KDM4D: variants seen among roughly 807,000 people sequenced by gnomAD.
The protein encoded by KDM4D is lysine demethylase 4D, also known as lysine-specific demethylase 4D.
For missense variants in KDM4D, 427 were observed against 674.8 expected, an observed-to-expected ratio of 0.63 and a Z score of 4.07; for synonymous variants, 254 against 249.1, an observed-to-expected ratio of 1.02 and a Z score of -0.19.
At chr11:94,984,503 T>G (rs1555097921) in intron 2 of KDM4D, among the ~76,000 whole-genome samples, 2 of 150,994 alleles carry the variant, frequency 1.3e-5, no homozygotes, top group Non-Finnish European at 3.0e-5. Flanking sequence ...TCATAATAAA[T>G]GAATAAAAAT....
chr11:94,998,968 C>A lies in KDM4D; in HGVS notation c.*24C>A. The A allele has an allele frequency of 6.7e-7, 1 of 1,496,582 alleles. No individual in the cohort carries two copies. Among genetic ancestry groups the A allele is most frequent in the South Asian group, 1.4e-5 (1 of 69,164 alleles). 92.7% of individuals were successfully genotyped at this position (1,496,582 alleles called of 1,614,324 possible). A position where few individuals can be genotyped will look rare whatever the true frequency, so the allele number is the denominator to read the frequency against. ...AAGTCCACGGGCTGTCTTTATATCCCACTGCCCTGCTGTGTGACAGTTTGA... is the reference window on the plus strand; with the variant it reads ...AAGTCCACGGGCTGTCTTTATATCCAACTGCCCTGCTGTGTGACAGTTTGA... On this transcript the variant is annotated 3_prime_UTR_variant, in exon 3 of 3. Transcript: ENST00000335080. The surrounding 1 kb of genome is among the most constrained non-coding windows in gnomAD (Gnocchi z 6.7).
In KDM4D at chr11:94,998,861, T is replaced by C. The variant is rs200720342; in HGVS notation, c.1489T>C (p.Leu497=). 2.6e-5 allele frequency: 40 copies of C among 1,558,092 alleles called. 1 individual carries two copies. The African/African-American group carries it at 4.8e-4, about 19-fold the overall frequency. Residue 497 remains leucine, a synonymous_variant, in exon 3 of 3, where the codon TTG becomes CTG. Coordinates refer to ENST00000335080, the MANE Select transcript of KDM4D (RefSeq NM_018039.3). This position sits in a 1 kb window ranked among gnomAD's most constrained non-coding sequence, Gnocchi z 6.7. The stretch of plus-strand genomic sequence containing the variant: ...TGAGCCCCTACCTGAGGATGGGGCT[T>C]TGATGGACAAGCCTGTACCACTGAG... ...EPEPLPEDGA[L]MDKPVPLSPG...
At chr11:94,987,517 G>T (rs1371942622) in intron 2 of KDM4D, among the ~76,000 whole-genome samples, 2 of 152,192 alleles carry the variant, frequency 1.3e-5, no homozygotes, top group Non-Finnish European at 2.9e-5. Flanking sequence ...ACTGACAGGT[G>T]CCCCCATCTT....
intron 2 of KDM4D, among the ~76,000 whole-genome samples, chr11:94,978,882 C>T (rs189288013): frequency 2.0e-5 from 3 of 152,054 alleles, no homozygotes; most frequent in Admixed American, 6.6e-5. Flanking sequence ...AAATTACTAT[C>T]GGACATGTAT....
At chr11:94,991,051 A>C (rs1353366706) in intron 2 of KDM4D, among the ~76,000 whole-genome samples, 1 of 152,234 alleles carries the variant, frequency 6.6e-6, no homozygotes, top group African/African-American at 2.4e-5. Flanking sequence ...GAACTGTACA[A>C]GTAGGGTACT....
In KDM4D at chr11:94,997,224, T is replaced by G; in HGVS notation, c.-149T>G. 1.4e-5 allele frequency: 7 copies of G among 503,086 alleles called. No homozygotes were observed. Among genetic ancestry groups the G allele is most frequent in the Non-Finnish European group, 1.6e-5 (5 of 305,178 alleles). 31.2% of individuals were successfully genotyped at this position (503,086 alleles called of 1,614,324 possible). A position where few individuals can be genotyped will look rare whatever the true frequency, so the allele number is the denominator to read the frequency against. On this transcript the variant is annotated 5_prime_UTR_variant, in exon 3 of 3. Coordinates refer to ENST00000335080, the MANE Select transcript of KDM4D (RefSeq NM_018039.3). Reference sequence around the variant, plus strand: ...AGTGAATAAACAAGCCCAAGAAAGATTATCATCTCATTTGCAAAAAAAAAA... The same window carrying G: ...AGTGAATAAACAAGCCCAAGAAAGAGTATCATCTCATTTGCAAAAAAAAAA...
Position 94,997,413 on chromosome 11 carries a change from C to G in KDM4D, c.41C>G (p.Pro14Arg), listed in dbSNP as rs150627695. Residue 14 changes from proline to arginine, a missense_variant, in exon 3 of 3, where the codon CCA becomes CGA. Transcript: ENST00000335080. ...TCTAAGGCCAACTGTGCCCAGAATC[C>G]AAATTGTAACATAATGATATTTCAT... ...MKSKANCAQN[P>R]NCNIMIFHPT... 6.2e-7 allele frequency: 1 copy of G among 1,611,772 alleles called. No homozygotes were observed. Among genetic ancestry groups the G allele is most frequent in the Non-Finnish European group, 8.5e-7 (1 of 1,179,028 alleles).
intron 2 of KDM4D, among the ~76,000 whole-genome samples, chr11:94,995,951 G>A (rs1423723652): frequency 1.3e-5 from 2 of 152,018 alleles, no homozygotes; most frequent in African/African-American, 4.8e-5. Context: ...GAAAATTCCT[G>A]TCATGCTAGA....
intron 2 of KDM4D, among the ~76,000 whole-genome samples, chr11:94,981,922 G>GT (rs1216891925): frequency 1.3e-5 from 2 of 150,366 alleles, no homozygotes; most frequent in African/African-American, 4.9e-5. Context: ...AGCTCATTTA[G>GT]TTTTTTTAAC....
chr11:94,981,052 A>G (rs1555097494), intron 2 of KDM4D, among the ~76,000 whole-genome samples: 2 of 152,154 alleles, frequency 1.3e-5, no homozygotes, highest in African/African-American at 4.8e-5. Flanking sequence ...GGTTTTGGAT[A>G]GATGCACTTC....
intron 2 of KDM4D, among the ~76,000 whole-genome samples, chr11:94,995,350 C>T (rs1857967166): frequency 6.6e-6 from 1 of 152,092 alleles, no homozygotes; most frequent in Non-Finnish European, 1.5e-5. Context: ...AATAAGGGGT[C>T]TGTCTAAATG....
chr11:94,991,994 A>G (rs1857938919), intron 2 of KDM4D, among the ~76,000 whole-genome samples: 1 of 152,000 alleles, frequency 6.6e-6, no homozygotes, highest in African/African-American at 2.4e-5. Context: ...ACTCATGCTC[A>G]CACCAATACC....
intron 2 of KDM4D, among the ~76,000 whole-genome samples, chr11:94,981,748 A>T (rs1857844688): frequency 6.6e-6 from 1 of 151,584 alleles, no homozygotes; most frequent in Non-Finnish European, 1.5e-5. Flanking sequence ...CATTTTCACC[A>T]GTCTTTTAAA....
intron 2 of KDM4D, among the ~76,000 whole-genome samples, chr11:94,984,989 A>G (rs1462336605): frequency 1.3e-5 from 2 of 152,244 alleles, no homozygotes; most frequent in African/African-American, 2.4e-5. Flanking sequence ...TTTAAGATTC[A>G]GATCAGAGAA....
chr11:94,997,321 AT>A lies in KDM4D; in HGVS notation c.-50del, dbSNP rs1857983371. ...TTTTTTTAAAGTAGCATTTTCCTAC[AT>A]TGTCAACTATCTAGAACATACCTAA... On this transcript the variant is annotated 5_prime_UTR_variant, in exon 3 of 3. In the 5' UTR this introduces an upstream ATG that the reference lacks. Transcript: ENST00000335080. 1 of 1,407,180 alleles carries A rather than the reference AT, an allele frequency of 7.1e-7. No homozygotes were observed. The highest frequency in any genetic ancestry group is 2.5e-5 in the Admixed American group (1 of 39,768). The allele number at this position is 1,407,180 out of a possible 1,614,324, so 87.2% of individuals were successfully genotyped here.
In KDM4D at chr11:94,998,521, G is replaced by T; in HGVS notation, c.1149G>T (p.Arg383=). The change falls in exon 3 of 3, where the codon CGG becomes CGT. Residue 383 remains arginine, a synonymous_variant. Coordinates refer to ENST00000335080, the MANE Select transcript of KDM4D (RefSeq NM_018039.3). The surrounding 1 kb of genome is among the most constrained non-coding windows in gnomAD (Gnocchi z 6.7). The part of the protein sequence containing the change: ...GLRQLPSHWA[R]HSPWPMAARS... ...GACAACTCCCTTCCCACTGGGCCCG[G>T]CATTCCCCTTGGCCTATGGCTGCCC... 6.2e-7 allele frequency: 1 copy of T among 1,612,454 alleles called. No individual in the cohort carries two copies.
intron 2 of KDM4D, among the ~76,000 whole-genome samples, chr11:94,982,111 TTG>T (rs1187478031): frequency 6.6e-6 from 1 of 151,888 alleles, no homozygotes; most frequent in African/African-American, 2.4e-5. Flanking sequence ...TTTTATAAAT[TTG>T]GGAATTTTTT....
rs1555099401 is a variant in KDM4D at position 94,997,732 on chromosome 11, T to C, written c.360T>C (p.Asp120=). ...YQTPPHQNFE[D]LERKYWKNRI... ...CTCCACCACACCAGAATTTCGAAGA[T>C]TTGGAGCGAAAATACTGGAAGAACC... Residue 120 remains aspartate, a synonymous_variant, in exon 3 of 3, where the codon GAT becomes GAC. Transcript: ENST00000335080. 6.2e-7 allele frequency: 1 copy of C among 1,614,166 alleles called. No individual in the cohort carries two copies. The highest frequency in any genetic ancestry group is 8.5e-7 in the Non-Finnish European group (1 of 1,180,022).
chr11:94,979,795 A>G (rs1336953468), intron 2 of KDM4D, among the ~76,000 whole-genome samples: 1 of 152,188 alleles, frequency 6.6e-6, no homozygotes, highest in Non-Finnish European at 1.5e-5. Context: ...GTAAATGTGC[A>G]AAGGTGCATG....
Sources: gnomAD v4.1 joint callset for allele counts (sites outside exome capture counted in the v4.1 genomes callset) on GRCh38, gnomAD v4.1.1 for gene constraint, Gnocchi (gnomAD v3.1) non-coding constraint, MANE v1.5 for transcripts, NCBI Gene and HGNC (gene_info 2026-07-23, HGNC 2026-07-21) for gene names.